The following PAX5 variants were observed in gnomAD, a reference collection of about 807,000 sequenced individuals.
PAX5 encodes paired box protein Pax-5.
Under a neutral mutation model 43.7 loss-of-function variants are expected in PAX5, and 9 were observed. The observed-to-expected ratio is 0.21, with a 90% confidence interval of 0.12 to 0.36. The LOEUF (loss-of-function observed/expected upper bound fraction) is 0.36. PAX5 is among the 10% of genes least tolerant of loss of function. The pLI is 1.00. For missense variants in PAX5, 383 were observed against 532.7 expected (o/e 0.72, Z 2.77); for synonymous variants, 228 against 214.3 (o/e 1.06, Z -0.56).
intron 6 of PAX5, among the ~76,000 whole-genome samples, chr9:36,925,929 C>T (rs1008476447): frequency 1.3e-5 from 2 of 152,288 alleles, no homozygotes; most frequent in Middle Eastern, 3.4e-3. Context: ...GCTGGCCCCG[C>T]CAAGTGGTGC....
In PAX5 at chr9:37,020,777, C is replaced by A. The variant is rs936072547; in HGVS notation, c.71G>T (p.Gly24Val). The change falls in exon 2 of 10, where the codon GGG becomes GTG. Residue 24 changes from glycine to valine, a missense_variant. Gly to Val is a moderately radical substitution (Grantham distance 109). Transcript: ENST00000358127. The part of the protein sequence containing the change: ...RTGHGGVNQL[G>V]GVFVNGRPLP... ...TGGCCGTCCATTCACAAAAACCCCC[C>A]CAAGCTGATTCACTCCTCCATGTCC... 6.2e-7 allele frequency: 1 copy of A among 1,614,130 alleles called. No individual in the cohort carries two copies. The highest frequency in any genetic ancestry group is 8.5e-7 in the Non-Finnish European group (1 of 1,180,018).
chr9:36,947,516 C>T (rs1832632556), intron 6 of PAX5, among the ~76,000 whole-genome samples: 1 of 152,114 alleles, frequency 6.6e-6, no homozygotes, highest in Non-Finnish European at 1.5e-5. Context: ...CCCACCTCAG[C>T]CTCCCGAGTA....
rs1587715874 is a variant in PAX5 at position 36,839,387 on chromosome 9, C to T, written c.*1173G>A. 1 of 233,752 alleles carries T rather than the reference C, an allele frequency of 4.3e-6. No individual in the cohort carries two copies. The highest frequency in any genetic ancestry group is 8.4e-6 in the Non-Finnish European group (1 of 118,394). 14.5% of individuals were successfully genotyped at this position (233,752 alleles called of 1,614,324 possible). On this transcript the variant is annotated 3_prime_UTR_variant, in exon 10 of 10. Transcript: ENST00000358127. ...GCCCCAGCCCCAGCACCTCCATGCC[C>T]AGCTGCCTGCTAAGCTCCACGAGGA...
intron 5 of PAX5, among the ~76,000 whole-genome samples, chr9:36,979,459 C>A (rs1835728574): frequency 1.3e-5 from 2 of 152,156 alleles, no homozygotes; most frequent in Admixed American, 6.5e-5. Context: ...AGTGTGCATG[C>A]CTAGACATCT....
chr9:36,926,285 T>C (rs1320355440), intron 6 of PAX5, among the ~76,000 whole-genome samples: 1 of 152,164 alleles, frequency 6.6e-6, no homozygotes, highest in Non-Finnish European at 1.5e-5. Context: ...GGTCCCAACA[T>C]TTTTATAAAT....
chr9:37,030,509 G>A (rs145127113), intron 1 of PAX5, among the ~76,000 whole-genome samples: 3 of 152,332 alleles, frequency 2.0e-5, no homozygotes, highest in Admixed American at 6.5e-5. Flanking sequence ...CAACGCAGTC[G>A]GGCCTCACTC....
chr9:36,848,695 G>A (rs1822845869), intron 8 of PAX5, among the ~76,000 whole-genome samples: 2 of 152,232 alleles, frequency 1.3e-5, no homozygotes, highest in Middle Eastern at 3.4e-3. Flanking sequence ...CCGAGCCCAG[G>A]GCATTGGGCT....
chr9:36,897,505 C>T (rs1827971912), intron 7 of PAX5, among the ~76,000 whole-genome samples: 1 of 151,924 alleles, frequency 6.6e-6, no homozygotes. Flanking sequence ...CACACACATA[C>T]ACACACAAGC....
intron 5 of PAX5, among the ~76,000 whole-genome samples, chr9:36,998,700 C>A (rs1418730373): frequency 2.6e-5 from 4 of 152,184 alleles, no homozygotes; most frequent in Non-Finnish European, 5.9e-5. Context: ...ATTTGTCCCA[C>A]TAAACACAGC....
At chr9:36,958,506 A>G (rs940698877) in intron 6 of PAX5, among the ~76,000 whole-genome samples, 1 of 152,088 alleles carries the variant, frequency 6.6e-6, no homozygotes, top group Non-Finnish European at 1.5e-5. Flanking sequence ...GCAGAAGGGA[A>G]AGGAGAGAAG....
At chr9:36,895,303 A>G (rs1357189858) in intron 7 of PAX5, among the ~76,000 whole-genome samples, 1 of 152,224 alleles carries the variant, frequency 6.6e-6, no homozygotes, top group African/African-American at 2.4e-5. Flanking sequence ...GGTGGCCAGC[A>G]CTGGGATCTT....
intron 1 of PAX5, among the ~76,000 whole-genome samples, chr9:37,029,149 A>T (rs1171079729): frequency 6.6e-6 from 1 of 152,242 alleles, no homozygotes; most frequent in Non-Finnish European, 1.5e-5. Flanking sequence ...GGGCTTTGAG[A>T]TGCCTGCTCC....
intron 5 of PAX5, among the ~76,000 whole-genome samples, chr9:36,970,484 G>T (rs141390787): frequency 1.4e-4 from 22 of 152,274 alleles, no homozygotes; most frequent in African/African-American, 5.3e-4. Context: ...CTACGGGAAG[G>T]GCTGGGGAAA....
rs552566484 is a variant in PAX5 at position 36,881,933 on chromosome 9, T to TGG, written c.1012+69_1012+70dup. The TGG allele has an allele frequency of 1.7e-3, 1,936 of 1,108,308 alleles. 8 individuals are homozygous for TGG. The highest frequency in any genetic ancestry group is 1.9e-3 in the Non-Finnish European group (1,391 of 744,060). The allele number at this position is 1,108,308 out of a possible 1,614,324, so 68.7% of individuals were successfully genotyped here. A position where few individuals can be genotyped will look rare whatever the true frequency, so the allele number is the denominator to read the frequency against. ...AAGCGTAGAGGTCACCCAGGCTGTT[T>TGG]GGGGGGGGATGTCCCCCCACCGAAA... On this transcript the variant is annotated intron_variant, in intron 8 of 9. Transcript: ENST00000358127.
Position 36,843,393 on chromosome 9 carries a change from C to T in PAX5, c.1100-2757G>A, listed in dbSNP as rs1405754152. Among the ~76,000 whole-genome samples the T allele has an allele frequency of 2.6e-5, 4 of 152,304 alleles. No individual in the cohort carries two copies. The East Asian group carries it at 7.7e-4, about 29-fold the overall frequency. The stretch of plus-strand genomic sequence containing the variant: ...GTGGGTTGGGGAGGCAGCAATCTCA[C>T]CCATCTTCAGGAAGGTGGGATCACT... On this transcript the variant is annotated intron_variant, in intron 9 of 9. Coordinates refer to ENST00000358127, the MANE Select transcript of PAX5 (RefSeq NM_016734.3).
chr9:36,876,841 C>T (rs138146493), intron 8 of PAX5, among the ~76,000 whole-genome samples: 26 of 152,276 alleles, frequency 1.7e-4, no homozygotes, highest in African/African-American at 4.6e-4. Context: ...GCCCTGGAGC[C>T]GGAAGGAGCA....
At chr9:36,966,325 C>A (rs1180070532) in intron 6 of PAX5, among the ~76,000 whole-genome samples, 1 of 152,224 alleles carries the variant, frequency 6.6e-6, no homozygotes, top group Non-Finnish European at 1.5e-5. Context: ...GGCTGGCCAG[C>A]GACAGAGGCA....
At chr9:36,927,202 C>A (rs1820292309) in intron 6 of PAX5, among the ~76,000 whole-genome samples, 1 of 152,142 alleles carries the variant, frequency 6.6e-6, no homozygotes, top group South Asian at 2.1e-4. Context: ...AGCATCCCAG[C>A]CAAGAGTCAG....
chr9:36,850,163 G>T (rs868600215), intron 8 of PAX5, among the ~76,000 whole-genome samples: 7 of 152,244 alleles, frequency 4.6e-5, no homozygotes, highest in African/African-American at 1.7e-4. Flanking sequence ...CAGGTCTTCC[G>T]TGAGGCCCCG....
Sources: gnomAD v4.1 joint callset for allele counts (sites outside exome capture counted in the v4.1 genomes callset) on GRCh38, gnomAD v4.1.1 for gene constraint, MANE v1.5 for transcripts, NCBI Gene and HGNC (gene_info 2026-07-23, HGNC 2026-07-21) for gene names.